Variants in ADAMTS19 observed in about 807,000 individuals in gnomAD.
ADAMTS19 encodes the protein ADAM metallopeptidase with thrombospondin type 1 motif 19.
ADAMTS19 carries 93 observed loss-of-function variants against 153.3 expected under a neutral mutation model. That is an observed-to-expected ratio of 0.61 (90% CI 0.51 to 0.72). The LOEUF (loss-of-function observed/expected upper bound fraction) is 0.72, where lower values mean the gene tolerates loss of function less well. Ranked by LOEUF, ADAMTS19 falls within the 30% of genes least tolerant of loss-of-function variation. ADAMTS19 has a pLI of 0.00. For synonymous variants in ADAMTS19, 600 were observed against 556.6 expected (o/e 1.08, Z -1.10); for missense variants, 1,482 against 1,552.1 (o/e 0.95, Z 0.76).
chr5:129,554,163 C>T (rs948928043), intron 7 of ADAMTS19, among the ~76,000 whole-genome samples: 1 of 152,018 alleles, frequency 6.6e-6, no homozygotes, highest in Non-Finnish European at 1.5e-5. Flanking sequence ...AGGAATTGAG[C>T]ATCTATGGAT....
At chr5:129,697,438 A>G (rs998219382) in intron 19 of ADAMTS19, among the ~76,000 whole-genome samples, 7 of 152,222 alleles carry the variant, frequency 4.6e-5, no homozygotes, top group African/African-American at 1.7e-4. Context: ...CTGCTCTAAC[A>G]GTCCTACCCC....
chr5:129,475,585 C>A (rs528091075), intron 2 of ADAMTS19, among the ~76,000 whole-genome samples: 1 of 152,282 alleles, frequency 6.6e-6, no homozygotes, highest in African/African-American at 2.4e-5. Flanking sequence ...GTAATCCCAG[C>A]ACTTTGGGAG....
At position 129,551,974 on chromosome 5, in the gene ADAMTS19, A is replaced by G; in HGVS notation, c.1372+67A>G. 5 of 1,031,080 alleles carry G rather than the reference A, an allele frequency of 4.8e-6. No individual in the cohort carries two copies. The South Asian group carries it at 8.5e-5, about 17-fold the overall frequency. The allele number at this position is 1,031,080 out of a possible 1,614,324, so 63.9% of individuals were successfully genotyped here. ...TTGAACATATCACTTGTTTAAGTAT[A>G]GGAAATTATTTGTGTTCTGGTTATA... On this transcript the variant is annotated intron_variant, in intron 7 of 22. Coordinates refer to ENST00000274487, the MANE Select transcript of ADAMTS19 (RefSeq NM_133638.6).
At chr5:129,696,100 C>T (rs1312554017) in intron 19 of ADAMTS19, among the ~76,000 whole-genome samples, 1 of 152,084 alleles carries the variant, frequency 6.6e-6, no homozygotes, top group Non-Finnish European at 1.5e-5. Flanking sequence ...ATGGTTAGTC[C>T]TGATTTCCCT....
At chr5:129,636,232 G>A (rs1752526294) in intron 10 of ADAMTS19, among the ~76,000 whole-genome samples, 1 of 152,180 alleles carries the variant, frequency 6.6e-6, no homozygotes, top group South Asian at 2.1e-4. Flanking sequence ...ATGTTGCCTT[G>A]GTTCACTCTC....
rs186640648 is a variant in ADAMTS19 at position 129,474,132 on chromosome 5, A to T, written c.747+12375A>T. Among the ~76,000 whole-genome samples, 71 of 152,282 alleles carry T rather than the reference A, an allele frequency of 4.7e-4. 1 individual carries two copies. In the East Asian group the frequency reaches 0.012, roughly 27 times the overall value. On this transcript the variant is annotated intron_variant, in intron 2 of 22. Transcript: ENST00000274487. ...GTGTCTCTATAGATTTGTCTTTCAT[A>T]TAAATGTAATCATATAAAATTTGGT...
intron 6 of ADAMTS19, among the ~76,000 whole-genome samples, chr5:129,533,083 AC>A (rs1225344886): frequency 6.6e-6 from 1 of 152,136 alleles, no homozygotes; most frequent in African/African-American, 2.4e-5. Context: ...AGCCTGGGCA[AC>A]AGAGTGAGAC....
chr5:129,631,027 A>C (rs1451768324), intron 10 of ADAMTS19, among the ~76,000 whole-genome samples: 1 of 151,996 alleles, frequency 6.6e-6, no homozygotes, highest in African/African-American at 2.4e-5. Flanking sequence ...ATAAAGACCT[A>C]CATTTGCATA....
At chr5:129,733,830 C>G (rs760418753) in intron 21 of ADAMTS19, among the ~76,000 whole-genome samples, 26 of 151,722 alleles carry the variant, frequency 1.7e-4, no homozygotes, top group Non-Finnish European at 3.2e-4. Flanking sequence ...AAACAAAATC[C>G]TTGTATCAAA....
intron 6 of ADAMTS19, among the ~76,000 whole-genome samples, chr5:129,532,602 A>G (rs1018702204): frequency 5.9e-5 from 9 of 152,234 alleles, no homozygotes; most frequent in Non-Finnish European, 1.3e-4. Flanking sequence ...CTTAAGAAAA[A>G]TAAAAATGTT....
chr5:129,679,867 C>T lies in ADAMTS19; in HGVS notation c.2610C>T (p.Gly870=), dbSNP rs1209430120. ...AGTTVHYVRR[G]LWEKISAKGP... is the part of the protein sequence containing the mutation. The stretch of plus-strand genomic sequence containing the variant: ...CTACCGTTCATTATGTAAGACGAGG[C>T]CTCTGGGAGAAGATCTCTGCCAAAG... Residue 870 remains glycine (G), a synonymous_variant, in exon 17 of 23, where the codon GGC becomes GGT. Transcript: ENST00000274487. 6.2e-7 allele frequency: 1 copy of T among 1,614,030 alleles called. No homozygotes were observed. Among genetic ancestry groups the T allele is most frequent in the South Asian group, 1.1e-5 (1 of 91,072 alleles).
intron 3 of ADAMTS19, among the ~76,000 whole-genome samples, chr5:129,523,882 T>C (rs1299920854): frequency 6.6e-6 from 1 of 152,162 alleles, no homozygotes; most frequent in African/African-American, 2.4e-5. Context: ...AAAATGGCCA[T>C]ACTGCCCAAA....
chr5:129,707,415 C>A (rs1222038963), intron 21 of ADAMTS19, among the ~76,000 whole-genome samples: 5 of 152,152 alleles, frequency 3.3e-5, no homozygotes, highest in Admixed American at 2.6e-4. Context: ...AAAGCCATTT[C>A]TTTCCTTTTT....
At chr5:129,567,442 A>G (rs569014675) in intron 7 of ADAMTS19, among the ~76,000 whole-genome samples, 1 of 152,314 alleles carries the variant, frequency 6.6e-6, no homozygotes, top group Non-Finnish European at 1.5e-5. Context: ...TATAAAGATG[A>G]TCTAACAAGT....
intron 12 of ADAMTS19, among the ~76,000 whole-genome samples, chr5:129,648,221 A>C (rs749053354): frequency 1.2e-4 from 19 of 152,180 alleles, no homozygotes; most frequent in Non-Finnish European, 2.2e-4. Flanking sequence ...AAGGATGATA[A>C]GAAAGAGAAT....
At position 129,551,877 on chromosome 5, in the gene ADAMTS19, G is replaced by A. The variant is rs1753133234; in HGVS notation, c.1342G>A (p.Val448Met). The A allele has an allele frequency of 1.9e-6, 3 of 1,577,280 alleles. No homozygotes were observed. Among genetic ancestry groups the A allele is most frequent in the Non-Finnish European group, 2.6e-6 (3 of 1,163,572 alleles). Residue 448 changes from valine (V) to methionine (M), a missense_variant, in exon 7 of 23, where the codon GTG becomes ATG. Physicochemically the swap from Val to Met is conservative, Grantham distance 21 (BLOSUM62 1). This residue lies in a region of ADAMTS19 where 866 missense variants were observed against 827.7 expected (regional missense o/e 1.05). Coordinates refer to ENST00000274487, the MANE Select transcript of ADAMTS19 (RefSeq NM_133638.6). ...TTTTCTTTCTAGGAAAGATTTCTGT[G>A]TGCACAAAGATGAACCATGTGATAC... is the stretch of plus-strand genomic sequence containing the variant. ...AILITRKDFC[V>M]HKDEPCDTVG... is the part of the protein sequence containing the mutation.
chr5:129,644,334 G>A (rs1326675349), intron 11 of ADAMTS19, among the ~76,000 whole-genome samples: 5 of 152,152 alleles, frequency 3.3e-5, no homozygotes, highest in African/African-American at 9.7e-5. Flanking sequence ...GCCATTGTGT[G>A]CAGTAGTGCT....
intron 19 of ADAMTS19, among the ~76,000 whole-genome samples, chr5:129,698,109 G>A (rs978257598): frequency 6.6e-6 from 1 of 151,902 alleles, no homozygotes; most frequent in Non-Finnish European, 1.5e-5. Context: ...AGTTTCAAAA[G>A]GTCAGTACAT....
chr5:129,514,754 A>G (rs1751544163), intron 3 of ADAMTS19, among the ~76,000 whole-genome samples: 1 of 151,794 alleles, frequency 6.6e-6, no homozygotes, highest in Non-Finnish European at 1.5e-5. Flanking sequence ...CCACTTTGTT[A>G]ATTGTATCCT....
Sources: gnomAD v4.1 joint callset for allele counts (sites outside exome capture counted in the v4.1 genomes callset) on GRCh38, gnomAD v4.1.1 for gene constraint, gnomAD v4.1.1 regional missense constraint, MANE v1.5 for transcripts, NCBI Gene and HGNC (gene_info 2026-07-23, HGNC 2026-07-21) for gene names.